NCAM2: variants seen among roughly 807,000 people sequenced by gnomAD.
NCAM2 encodes N-CAM-2.
A neutral mutation model predicts 98.1 loss-of-function variants in NCAM2; 30 were observed. The ratio of observed to expected loss-of-function variants is 0.31; its 90% CI spans 0.23 to 0.41. NCAM2 has a LOEUF of 0.41. Among genes scored for constraint, NCAM2 ranks in the 10% least tolerant of loss-of-function variants. The probability of loss-of-function intolerance (pLI) is 1.00; values close to 1 mark genes in which losing one functional copy is unlikely to be tolerated. For missense variants in NCAM2, 867 were observed against 1,005.8 expected, an observed-to-expected ratio of 0.86 and a Z score of 1.87; for synonymous variants, 368 against 342.4, an observed-to-expected ratio of 1.07 and a Z score of -0.83.
chr21:21,466,814 A>G (rs926490668), intron 13 of NCAM2, 89 bp downstream of exon 13: 2 of 1,328,170 alleles, frequency 1.5e-6, no homozygotes, highest in African/African-American at 1.5e-5. Flanking sequence ...AGATGTTTCA[A>G]CACTTTTGAG....
At chr21:21,218,742 A>G (rs1191523999) in intron 1 of NCAM2, among the ~76,000 whole-genome samples, 1 of 152,212 alleles carries the variant, frequency 6.6e-6, no homozygotes, top group Non-Finnish European at 1.5e-5. Context: ...CCCTGCTGGC[A>G]CTTTAATTTT....
chr21:21,531,824 A>T (rs183542418), intron 16 of NCAM2, among the ~76,000 whole-genome samples: 384 of 119,470 alleles, frequency 3.2e-3, no homozygotes, highest in Non-Finnish European at 4.6e-3. Context: ...ACTAAAAAAT[A>T]CCAAAAAAAA....
intron 1 of NCAM2, among the ~76,000 whole-genome samples, chr21:21,014,125 G>C (rs1291368372): frequency 6.6e-6 from 1 of 152,132 alleles, no homozygotes; most frequent in Non-Finnish European, 1.5e-5. Context: ...ATGCCCATTT[G>C]CTATTCTTAT....
chr21:21,222,846 G>C (rs1036640532), intron 1 of NCAM2, among the ~76,000 whole-genome samples: 2 of 152,148 alleles, frequency 1.3e-5, no homozygotes, highest in African/African-American at 4.8e-5. Flanking sequence ...TGGATAAAAT[G>C]CTATCAAAAA....
intron 15 of NCAM2, 152 bp from the exon 16 acceptor site, chr21:21,508,699 G>C: frequency 1.8e-6 from 1 of 564,090 alleles, no homozygotes; most frequent in East Asian, 3.2e-5. Flanking sequence ...ATTGAATTCT[G>C]CCGGTTACTA....
At chr21:21,501,677 T>C (rs1417538949) in intron 15 of NCAM2, among the ~76,000 whole-genome samples, 4 of 151,736 alleles carry the variant, frequency 2.6e-5, no homozygotes, top group Non-Finnish European at 5.9e-5. Flanking sequence ...GTTTGACTTC[T>C]TAAGTAGCTG....
intron 1 of NCAM2, among the ~76,000 whole-genome samples, chr21:21,169,577 C>T (rs778615451): frequency 6.6e-6 from 1 of 152,156 alleles, no homozygotes; most frequent in African/African-American, 2.4e-5. Context: ...ATACAAATAA[C>T]TCTTAAAATT....
chr21:21,374,101 T>C, intron 9 of NCAM2, 88 bp downstream of exon 9: 2 of 1,282,368 alleles, frequency 1.6e-6, no homozygotes, highest in East Asian at 2.5e-5. Flanking sequence ...AATATATATG[T>C]AGTTCACATT....
At chr21:21,436,850 C>G (rs1287249469) in intron 12 of NCAM2, among the ~76,000 whole-genome samples, 1 of 151,750 alleles carries the variant, frequency 6.6e-6, no homozygotes, top group African/African-American at 2.4e-5. Context: ...CAACCTCCGC[C>G]TGCCGGGTTC....
chr21:21,532,009 AT>A (rs2146421480), intron 16 of NCAM2, among the ~76,000 whole-genome samples: 1 of 151,524 alleles, frequency 6.6e-6, no homozygotes, highest in East Asian at 1.9e-4. Flanking sequence ...AAAGAAAAAT[AT>A]TATATATATA....
chr21:21,190,638 A>C (rs956164322), intron 1 of NCAM2, among the ~76,000 whole-genome samples: 2 of 152,194 alleles, frequency 1.3e-5, no homozygotes, highest in Non-Finnish European at 1.5e-5. Context: ...AATTCAGTTC[A>C]TGTATATATT....
chr21:21,179,814 G>A (rs2068411581), intron 1 of NCAM2, among the ~76,000 whole-genome samples: 1 of 152,216 alleles, frequency 6.6e-6, no homozygotes. Flanking sequence ...CCAGGATGTA[G>A]CACAGTGTAT....
chr21:21,277,238 C>G (rs1016227611), intron 1 of NCAM2, among the ~76,000 whole-genome samples: 3 of 152,030 alleles, frequency 2.0e-5, no homozygotes, highest in Admixed American at 6.6e-5. Context: ...AATTATTCTG[C>G]CATTCATTCA....
At chr21:21,053,896 A>G (rs1198556813) in intron 1 of NCAM2, among the ~76,000 whole-genome samples, 1 of 151,224 alleles carries the variant, frequency 6.6e-6, no homozygotes. Context: ...TATTTTGAAC[A>G]TTACTATGAG....
chr21:21,172,083 T>C (rs2068142786), intron 1 of NCAM2, among the ~76,000 whole-genome samples: 1 of 152,122 alleles, frequency 6.6e-6, no homozygotes, highest in Admixed American at 6.5e-5. Context: ...TTTTTCCTCA[T>C]CAAATATAGA....
At chr21:21,398,007 T>C (rs774377429) in intron 9 of NCAM2, among the ~76,000 whole-genome samples, 2 of 152,212 alleles carry the variant, frequency 1.3e-5, no homozygotes, top group African/African-American at 2.4e-5. Context: ...TGCAAAAATA[T>C]GGAACCAGCC....
chr21:21,326,835 TA>T (rs1317934710), intron 6 of NCAM2, among the ~76,000 whole-genome samples: 1 of 146,196 alleles, frequency 6.8e-6, no homozygotes, highest in African/African-American at 2.6e-5. Context: ...TTAACGAAGG[TA>T]AAATTTGTGT....
At chr21:21,003,940 A>G (rs1288876353) in intron 1 of NCAM2, among the ~76,000 whole-genome samples, 2 of 152,134 alleles carry the variant, frequency 1.3e-5, no homozygotes, top group Non-Finnish European at 2.9e-5. Context: ...GATGGCAGTA[A>G]AAGGTTTTGA....
chr21:21,349,269 AT>A (rs1173565759), intron 8 of NCAM2, among the ~76,000 whole-genome samples: 4 of 152,190 alleles, frequency 2.6e-5, no homozygotes, highest in Admixed American at 2.6e-4. Context: ...TGGGCAAAAG[AT>A]TTGAATACAC....
Sources: allele counts gnomAD v4.1 joint callset (sites outside exome capture counted in the v4.1 genomes callset), GRCh38; gene constraint gnomAD v4.1.1; transcripts MANE v1.5; gene names NCBI Gene and HGNC (gene_info 2026-07-23, HGNC 2026-07-21).